Variants in EIF4E3 observed in about 807,000 individuals in gnomAD.
The protein encoded by EIF4E3 is eukaryotic translation initiation factor 4E type 3.
EIF4E3 carries 26 observed loss-of-function variants against 31.7 expected under a neutral mutation model. That is an observed-to-expected ratio of 0.82 (90% CI 0.60 to 1.14). The LOEUF is 1.14. Ranked by LOEUF, EIF4E3 falls within the 50% of genes most tolerant of loss-of-function variation. The pLI, the probability that EIF4E3 is intolerant of heterozygous loss-of-function variation, is 0.00. For missense variants in EIF4E3, 304 were observed against 270.9 expected, an observed-to-expected ratio of 1.12 and a Z score of -0.86; for synonymous variants, 128 against 107.7, an observed-to-expected ratio of 1.19 and a Z score of -1.17.
At chr3:71,731,785 G>A (rs1044965239) in intron 1 of EIF4E3, among the ~76,000 whole-genome samples, 2 of 152,100 alleles carry the variant, frequency 1.3e-5, no homozygotes, top group Admixed American at 6.5e-5. Context: ...GCCCTAAAGC[G>A]CTGCCTGTTT....
At chr3:71,692,168 T>C (rs534192183) in intron 5 of EIF4E3, among the ~76,000 whole-genome samples, 2 of 152,282 alleles carry the variant, frequency 1.3e-5, no homozygotes, top group African/African-American at 4.8e-5. Context: ...TATTCATAAG[T>C]AGAATCAACC....
the EIF4E3 span, among the ~76,000 whole-genome samples, chr3:71,662,018 T>A: frequency 6.6e-6 from 1 of 152,194 alleles, no homozygotes; most frequent in African/African-American, 2.4e-5. Flanking sequence ...AGCGAATACA[T>A]GTAATTTGTA....
chr3:71,708,475 T>C (rs1275919995), intron 2 of EIF4E3, among the ~76,000 whole-genome samples: 1 of 152,170 alleles, frequency 6.6e-6, no homozygotes, highest in Non-Finnish European at 1.5e-5. Context: ...AAAGTAGTTT[T>C]AAAGGAAGTA....
At position 71,690,116 on chromosome 3, in the gene EIF4E3, G is replaced by A. The variant is rs1185440244; in HGVS notation, c.522C>T (p.Val174=). 9 of 1,613,334 alleles carry A rather than the reference G, an allele frequency of 5.6e-6. No individual in the cohort carries two copies. Among genetic ancestry groups the A allele is most frequent in the South Asian group, 2.2e-5 (2 of 91,052 alleles). Residue 174 remains valine (V), a synonymous_variant, in exon 6 of 7, where the codon GTC becomes GTT. Coordinates refer to ENST00000425534, the MANE Select transcript of EIF4E3 (RefSeq NM_001134651.2). ...VSVSVRDRED[V]VQVWNVNASL... The stretch of plus-strand genomic sequence containing the variant: ...AGGCATTTACATTCCAGACTTGGAC[G>A]ACGTCTTCTCGGTCCCGAACACTGA...
chr3:71,696,498 C>A lies in EIF4E3; in HGVS notation c.367G>T (p.Gly123Cys), dbSNP rs1208748932. The A allele has an allele frequency of 1.2e-6, 2 of 1,614,114 alleles. No individual in the cohort carries two copies. Among genetic ancestry groups the A allele is most frequent in the South Asian group, 1.1e-5 (1 of 91,072 alleles). Residue 123 changes from glycine (G) to cysteine (C), a missense_variant, in exon 4 of 7, where the codon GGT (glycine) becomes TGT (cysteine). Transcript: ENST00000425534. ...GGGACTTTCATCTTCCATACGCCACCCTTTGCATTACTCTCCTCTTCCCTG... is the reference window on the plus strand; with the variant it reads ...GGGACTTTCATCTTCCATACGCCACACTTTGCATTACTCTCCTCTTCCCTG... ...PLWEEESNAKGGVWKMKVPKD... is the reference protein window; with the variant it reads ...PLWEEESNAKCGVWKMKVPKD...
upstream of EIF4E3, chr3:71,754,681 G>C: frequency 6.7e-7 from 1 of 1,498,238 alleles, no homozygotes. This position sits in a 1 kb window ranked among gnomAD's most constrained non-coding sequence, Gnocchi z 5.8. Context: ...ATCCACGACC[G>C]CCGCAAGATG....
chr3:71,719,875 G>A (rs530232396), intron 1 of EIF4E3, among the ~76,000 whole-genome samples: 1 of 152,108 alleles, frequency 6.6e-6, no homozygotes, highest in Non-Finnish European at 1.5e-5. Context: ...TTAGCTGGGT[G>A]TAGTAGCACA....
intron 3 of EIF4E3, 88 bp downstream of exon 3, chr3:71,699,526 G>A: frequency 1.7e-6 from 2 of 1,193,512 alleles, no homozygotes; most frequent in Non-Finnish European, 2.5e-6. Context: ...GTCCATGTGA[G>A]ACACACATCT....
At chr3:71,688,280 T>A (rs974570787) in intron 6 of EIF4E3, among the ~76,000 whole-genome samples, 2 of 152,244 alleles carry the variant, frequency 1.3e-5, no homozygotes, top group Admixed American at 1.3e-4. Context: ...ATCTGATTAT[T>A]GCCATGGCCC....
chr3:71,696,237 T>C (rs906562226), intron 4 of EIF4E3, among the ~76,000 whole-genome samples: 1 of 152,212 alleles, frequency 6.6e-6, no homozygotes, highest in African/African-American at 2.4e-5. Flanking sequence ...GACTGCATGA[T>C]ACAGTCACAT....
At chr3:71,684,984 G>C (rs932471285) in intron 6 of EIF4E3, among the ~76,000 whole-genome samples, 10 of 152,136 alleles carry the variant, frequency 6.6e-5, no homozygotes, top group African/African-American at 2.2e-4. Context: ...GCTGTGCCTG[G>C]GAGGATGAGT....
At position 71,725,249 on chromosome 3, in the gene EIF4E3, A is replaced by C. The variant is rs896785084; in HGVS notation, c.119T>G (p.Leu40Arg). 3 of 1,085,916 alleles carry C rather than the reference A, an allele frequency of 2.8e-6. No individual in the cohort carries two copies. Among genetic ancestry groups the C allele is most frequent in the Non-Finnish European group, 3.4e-6 (3 of 894,698 alleles). 67.3% of individuals were successfully genotyped at this position (1,085,916 alleles called of 1,614,324 possible). ...PPLGLQQLSA[L>R]QPEPGGVPLH... ...CGGGACCCCGCCCGGCTCAGGCTGC[A>C]GCGCCGACAGCTGCTGCAGGCCGAG... The change falls in exon 1 of 7, where the codon CTG (leucine) becomes CGG (arginine). Residue 40 changes from leucine (L) to arginine (R), a missense_variant. By Grantham distance (102) the Leu-to-Arg change is moderately radical. Transcript: ENST00000425534. The surrounding 1 kb of genome is among the most constrained non-coding windows in gnomAD (Gnocchi z 6.1).
chr3:71,696,142 T>C (rs1259170470), intron 4 of EIF4E3, among the ~76,000 whole-genome samples: 1 of 152,234 alleles, frequency 6.6e-6, no homozygotes, highest in African/African-American at 2.4e-5. Context: ...ATATGCAACA[T>C]GTTGGTCATG....
At chr3:71,743,541 A>G (rs539466567) in intron 1 of EIF4E3, among the ~76,000 whole-genome samples, 26 of 152,276 alleles carry the variant, frequency 1.7e-4, no homozygotes, top group Admixed American at 1.0e-3. Flanking sequence ...TAAGATGTCA[A>G]TTCTCCCCAA....
upstream of EIF4E3, chr3:71,754,032 C>A: frequency 8.5e-7 from 1 of 1,175,238 alleles, no homozygotes; most frequent in Non-Finnish European, 1.1e-6. This position sits in a 1 kb window ranked among gnomAD's most constrained non-coding sequence, Gnocchi z 5.8. Context: ...GCGGAGCGCA[C>A]GGCCTGGTGA....
upstream of EIF4E3, chr3:71,754,283 GGCGCGGC>G: frequency 8.6e-7 from 1 of 1,159,686 alleles, no homozygotes; most frequent in Non-Finnish European, 1.1e-6. This position sits in a 1 kb window ranked among gnomAD's most constrained non-coding sequence, Gnocchi z 5.8. Context: ...TCATGCTGGC[GGCGCGGC>G]GTGCGGCGGC....
chr3:71,690,236 A>C, intron 5 of EIF4E3, 71 bp from the exon 6 acceptor site: 19 of 1,450,818 alleles, frequency 1.3e-5, no homozygotes, highest in Non-Finnish European at 1.7e-5. Context: ...CTAAGAACTT[A>C]GTCTTTTTAT....
At chr3:71,704,321 T>C (rs200788913) in intron 2 of EIF4E3, among the ~76,000 whole-genome samples, 5 of 152,010 alleles carry the variant, frequency 3.3e-5, no homozygotes, top group Non-Finnish European at 2.9e-5. Flanking sequence ...CACCCAAAGA[T>C]TGGGGATGCC....
chr3:71,715,544 T>C (rs2049451937), intron 1 of EIF4E3, among the ~76,000 whole-genome samples: 1 of 152,200 alleles, frequency 6.6e-6, no homozygotes, highest in Non-Finnish European at 1.5e-5. Flanking sequence ...TAATGACCAT[T>C]CCTAGTAGAA....
Sources: allele counts gnomAD v4.1 joint callset (sites outside exome capture counted in the v4.1 genomes callset), GRCh38; gene constraint gnomAD v4.1.1; non-coding constraint Gnocchi (gnomAD v3.1); transcripts MANE v1.5; gene names NCBI Gene and HGNC (gene_info 2026-07-23, HGNC 2026-07-21).